The following ATP10B variants were observed in gnomAD, a reference collection of about 807,000 sequenced individuals.
ATP10B encodes the protein ATPase phospholipid transporting 10B (putative).
A neutral mutation model predicts 141.2 loss-of-function variants in ATP10B; 122 were observed. That is an observed-to-expected ratio of 0.86 (90% CI 0.75 to 1.00). The LOEUF is 1.00. ATP10B is among the 50% of genes least tolerant of loss of function. The probability of loss-of-function intolerance (pLI) is 0.00; values close to 1 mark genes in which losing one functional copy is unlikely to be tolerated. For missense variants in ATP10B, 1,876 were observed against 1,825.3 expected (o/e 1.03, Z -0.51); for synonymous variants, 685 against 692.0 (o/e 0.99, Z 0.16).
chr5:160,811,275 T>C (rs374756277), intron 1 of ATP10B, among the ~76,000 whole-genome samples: 5 of 151,886 alleles, frequency 3.3e-5, no homozygotes, highest in African/African-American at 1.2e-4. Flanking sequence ...TGGGGAGAGG[T>C]TCCTTCTGCT....
At chr5:160,770,619 T>A (rs147970596) in intron 2 of ATP10B, among the ~76,000 whole-genome samples, 1 of 152,200 alleles carries the variant, frequency 6.6e-6, no homozygotes, top group African/African-American at 2.4e-5. Flanking sequence ...GTGCAAGGTA[T>A]TTTTATCTTT....
rs758386277 is a variant in ATP10B, at chr5:160,606,994, G to A, written c.2931C>T (p.Arg977=). The A allele has an allele frequency of 6.2e-7, 1 of 1,614,166 alleles. No homozygotes were observed. Among genetic ancestry groups the A allele is most frequent in the South Asian group, 1.1e-5 (1 of 91,082 alleles). ...QKPDRKLFGF[R]LPSKTPSITS... is the part of the protein sequence containing the mutation. ...TGATGGATGGTGTCTTGGAAGGTAA[G>A]CGGAATCCAAAGAGCTTGCGGTCTG... The change falls in exon 19 of 26, where the codon CGC becomes CGT. Residue 977 remains arginine (R), a synonymous_variant. Coordinates refer to ENST00000327245, the MANE Select transcript of ATP10B (RefSeq NM_025153.3).
chr5:160,647,941 CAA>C (rs1760410910), intron 8 of ATP10B, among the ~76,000 whole-genome samples: 1 of 152,142 alleles, frequency 6.6e-6, no homozygotes, highest in South Asian at 2.1e-4. Flanking sequence ...TGGAAGAAAG[CAA>C]AGACAACTGC....
At chr5:160,613,618 C>A (rs972397360) in intron 17 of ATP10B, among the ~76,000 whole-genome samples, 4 of 152,196 alleles carry the variant, frequency 2.6e-5, no homozygotes, top group Non-Finnish European at 4.4e-5. Flanking sequence ...GTAGCCTGGA[C>A]TGGCCTAGCA....
At chr5:160,765,654 C>A (rs1332902622) in intron 2 of ATP10B, among the ~76,000 whole-genome samples, 4 of 152,012 alleles carry the variant, frequency 2.6e-5, no homozygotes, top group South Asian at 2.1e-4. Context: ...TTGGCTTAGG[C>A]AAAAACTTCA....
At chr5:160,616,086 G>T in intron 16 of ATP10B, 122 bp from the exon 17 acceptor site, 6 of 1,052,036 alleles carry the variant, frequency 5.7e-6, no homozygotes, top group South Asian at 2.4e-5. Flanking sequence ...ATTAGATGGG[G>T]CTTTCTTCTC....
At chr5:160,864,116 C>G in the ATP10B span, among the ~76,000 whole-genome samples, 39 of 151,934 alleles carry the variant, frequency 2.6e-4, no homozygotes, top group East Asian at 5.6e-3. Flanking sequence ...AATGCCAAAA[C>G]AAGAAAGGAC....
At chr5:160,782,589 A>G (rs1226033011) in intron 2 of ATP10B, among the ~76,000 whole-genome samples, 2 of 152,096 alleles carry the variant, frequency 1.3e-5, no homozygotes, top group Non-Finnish European at 2.9e-5. Context: ...TACCTGACCT[A>G]GCAATGACTC....
At chr5:160,895,282 C>A in the ATP10B span, among the ~76,000 whole-genome samples, 1 of 152,088 alleles carries the variant, frequency 6.6e-6, no homozygotes, top group Non-Finnish European at 1.5e-5. Context: ...AGTGAGGAAC[C>A]ATCAGCGTGC....
At chr5:160,842,119 A>T (rs1048272097) in intron 1 of ATP10B, among the ~76,000 whole-genome samples, 4 of 152,250 alleles carry the variant, frequency 2.6e-5, no homozygotes, top group African/African-American at 9.6e-5. Context: ...ACTTGAAATG[A>T]TAGACATGTT....
At chr5:160,692,159 G>C (rs1169037488) in intron 3 of ATP10B, among the ~76,000 whole-genome samples, 3 of 152,134 alleles carry the variant, frequency 2.0e-5, no homozygotes, top group African/African-American at 7.2e-5. Context: ...TTTATCATAA[G>C]AATAGTCTTT....
chr5:160,617,774 T>TA (rs1758105208), intron 16 of ATP10B, 90 bp downstream of exon 16: 7 of 1,143,168 alleles, frequency 6.1e-6, no homozygotes, highest in Non-Finnish European at 9.1e-6. Context: ...CAACCACCTC[T>TA]AAGGGTCTTT....
At chr5:160,912,475 T>G in the ATP10B span, among the ~76,000 whole-genome samples, 2 of 148,834 alleles carry the variant, frequency 1.3e-5, no homozygotes, top group Admixed American at 1.3e-4. Flanking sequence ...GGTGCACACC[T>G]GTAGTCCCAG....
intron 21 of ATP10B, among the ~76,000 whole-genome samples, chr5:160,601,236 G>A (rs1385896207): frequency 1.3e-5 from 2 of 152,104 alleles, no homozygotes; most frequent in East Asian, 3.8e-4. Context: ...ATTGAACTTT[G>A]CACAGAAAGT....
intron 2 of ATP10B, among the ~76,000 whole-genome samples, chr5:160,761,231 A>T (rs1285327651): frequency 1.3e-5 from 2 of 152,144 alleles, no homozygotes; most frequent in African/African-American, 2.4e-5. Context: ...TGCTAGCATA[A>T]TCAGCATTCA....
chr5:160,690,709 G>C (rs1438604805), intron 3 of ATP10B, among the ~76,000 whole-genome samples: 1 of 152,204 alleles, frequency 6.6e-6, no homozygotes. Flanking sequence ...GGAAACAACA[G>C]ATACTGGAGA....
At chr5:160,723,589 T>C (rs1478620730) in intron 2 of ATP10B, among the ~76,000 whole-genome samples, 1 of 152,168 alleles carries the variant, frequency 6.6e-6, no homozygotes, top group Non-Finnish European at 1.5e-5. Flanking sequence ...ATCCTTTCAG[T>C]TGTTGGTCAA....
intron 1 of ATP10B, among the ~76,000 whole-genome samples, chr5:160,819,267 T>C (rs1773921950): frequency 6.6e-6 from 1 of 152,056 alleles, no homozygotes. Flanking sequence ...CAGGAGAGCA[T>C]AGCATGACAT....
At chr5:160,801,906 C>T (rs1772390949) in intron 1 of ATP10B, among the ~76,000 whole-genome samples, 1 of 152,186 alleles carries the variant, frequency 6.6e-6, no homozygotes, top group South Asian at 2.1e-4. Context: ...TTCATCTTAG[C>T]ATCTCCCACC....
Sources: gnomAD v4.1 joint callset for allele counts (sites outside exome capture counted in the v4.1 genomes callset) on GRCh38, gnomAD v4.1.1 for gene constraint, MANE v1.5 for transcripts, NCBI Gene and HGNC (gene_info 2026-07-23, HGNC 2026-07-21) for gene names.